The following ANLN variants were observed in gnomAD, a reference collection of about 807,000 sequenced individuals.
ANLN encodes the protein anillin.
Under a neutral mutation model 135.1 loss-of-function variants are expected in ANLN, and 59 were observed. The ratio of observed to expected loss-of-function variants is 0.44; its 90% CI spans 0.35 to 0.54. The LOEUF is 0.54. ANLN is among the 20% of genes least tolerant of loss of function. ANLN has a pLI of 0.00. For synonymous variants in ANLN, 406 were observed against 456.4 expected, an observed-to-expected ratio of 0.89 and a Z score of 1.41; for missense variants, 1,182 against 1,340.0, an observed-to-expected ratio of 0.88 and a Z score of 1.84.
chr7:36,392,010 A>T (rs953692380), intron 1 of ANLN, among the ~76,000 whole-genome samples: 6 of 151,902 alleles, frequency 3.9e-5, no homozygotes, highest in African/African-American at 1.5e-4. Flanking sequence ...CTCACTACTC[A>T]TAACGTCAAG....
intron 9 of ANLN, 87 bp downstream of exon 9, chr7:36,417,277 T>C: frequency 1.4e-6 from 1 of 728,424 alleles, no homozygotes; most frequent in Non-Finnish European, 2.2e-6. Flanking sequence ...AAATTGAGAG[T>C]ATCTCTGCTT....
chr7:36,405,318 T>C (rs539732973), intron 3 of ANLN, among the ~76,000 whole-genome samples: 2 of 152,350 alleles, frequency 1.3e-5, no homozygotes, highest in East Asian at 3.9e-4. Context: ...GATGCATTTC[T>C]CAGAATGTAT....
chr7:36,423,536 A>G (rs1036101132), intron 14 of ANLN, among the ~76,000 whole-genome samples: 4 of 152,144 alleles, frequency 2.6e-5, no homozygotes, highest in Non-Finnish European at 5.9e-5. Context: ...ATTAAGGGTC[A>G]CTAGGTAAAA....
chr7:36,389,872 C>G lies in ANLN; in HGVS notation c.-155C>G. 3 of 1,373,156 alleles carry G rather than the reference C, an allele frequency of 2.2e-6. No individual in the cohort carries two copies. Among genetic ancestry groups the G allele is most frequent in the East Asian group, 2.4e-5 (1 of 42,442 alleles). 85.1% of individuals were successfully genotyped at this position (1,373,156 alleles called of 1,614,324 possible). On this transcript the variant is annotated 5_prime_UTR_variant, in exon 1 of 24. Coordinates refer to ENST00000265748, the MANE Select transcript of ANLN (RefSeq NM_018685.5). ...ACGGCTGCAGAGGCCGAGTCCGTCACTGGAAGCCGAGAGGAGAGGACAGCT... is the reference window on the plus strand; with the variant it reads ...ACGGCTGCAGAGGCCGAGTCCGTCAGTGGAAGCCGAGAGGAGAGGACAGCT...
intron 3 of ANLN, among the ~76,000 whole-genome samples, chr7:36,404,951 A>C (rs757518993): frequency 1.3e-5 from 2 of 152,212 alleles, no homozygotes; most frequent in Non-Finnish European, 2.9e-5. Flanking sequence ...TTTTCCATGT[A>C]ATATTTTTAG....
intron 20 of ANLN, 31 bp downstream of exon 20, chr7:36,427,059 GTT>G: frequency 3.8e-6 from 5 of 1,329,128 alleles, no homozygotes; most frequent in South Asian, 1.4e-5. Context: ...AGGGTGTGGT[GTT>G]TTTTTTTTAA....
chr7:36,446,080 A>G (rs189739811), intron 22 of ANLN, among the ~76,000 whole-genome samples: 1 of 152,234 alleles, frequency 6.6e-6, no homozygotes, highest in Admixed American at 6.5e-5. Flanking sequence ...CATTGCAATT[A>G]TATTTCCCTA....
chr7:36,422,989 A>G (rs1248332071), intron 14 of ANLN, among the ~76,000 whole-genome samples, 180 bp downstream of exon 14: 1 of 152,052 alleles, frequency 6.6e-6, no homozygotes, highest in Non-Finnish European at 1.5e-5. Context: ...AGGGATACCA[A>G]TCTACACAAT....
At position 36,417,144 on chromosome 7, in the gene ANLN, C is replaced by T; in HGVS notation, c.1587C>T (p.Asp529=). 2 of 1,608,824 alleles carry T rather than the reference C, an allele frequency of 1.2e-6. No homozygotes were observed. Among genetic ancestry groups the T allele is most frequent in the Non-Finnish European group, 1.7e-6 (2 of 1,178,142 alleles). The change falls in exon 9 of 24, where the codon GAC becomes GAT. Residue 529 remains aspartate (D), a synonymous_variant. Coordinates refer to ENST00000265748, the MANE Select transcript of ANLN (RefSeq NM_018685.5). ...PLKITLFLEE[D]KSLKVTSDPK... is the part of the protein sequence containing the mutation. ...AAATAACATTGTTTTTAGAAGAGGACAAATCCTTAAAAGTAACATCAGACC... is the reference window on the plus strand; with the variant it reads ...AAATAACATTGTTTTTAGAAGAGGATAAATCCTTAAAAGTAACATCAGACC...
intron 11 of ANLN, 135 bp downstream of exon 11, chr7:36,420,449 C>T: frequency 3.8e-6 from 5 of 1,305,548 alleles, no homozygotes; most frequent in Non-Finnish European, 5.3e-6. Context: ...TTGTTAGCCT[C>T]TCTTTCACCA....
chr7:36,441,420 A>C (rs983925490), intron 21 of ANLN, among the ~76,000 whole-genome samples: 10 of 152,108 alleles, frequency 6.6e-5, no homozygotes, highest in Non-Finnish European at 1.5e-4. Context: ...AATTGCCTCT[A>C]CCCCCTATAA....
rs754172975 is a variant in ANLN at position 36,452,506 on chromosome 7, A to G, written c.3281A>G (p.Glu1094Gly). The change falls in exon 24 of 24, where the codon GAG becomes GGG. Residue 1094 changes from glutamate (E) to glycine (G), a missense_variant. Physicochemically the swap from Glu to Gly is moderately conservative, Grantham distance 98. This residue lies in a region of ANLN where 78 missense variants were observed against 72.7 expected (regional missense o/e 1.07). Coordinates refer to ENST00000265748, the MANE Select transcript of ANLN (RefSeq NM_018685.5). ...KNWLSADTKEERDLWMQKLNQ... is the reference protein window; with the variant it reads ...KNWLSADTKEGRDLWMQKLNQ... Reference sequence around the variant, plus strand: ...TGGCTGTCTGCAGATACTAAAGAAGAGCGGGATCTCTGGATGCAAAAACTC... The same window carrying G: ...TGGCTGTCTGCAGATACTAAAGAAGGGCGGGATCTCTGGATGCAAAAACTC... 2 of 1,614,040 alleles carry G rather than the reference A, an allele frequency of 1.2e-6. No individual in the cohort carries two copies. The highest frequency in any genetic ancestry group is 1.7e-5 in the Admixed American group (1 of 60,022).
rs766435665 is a variant in ANLN at position 36,415,834 on chromosome 7, A to T, written c.1472A>T (p.Lys491Met). 4.4e-6 allele frequency: 7 copies of T among 1,609,126 alleles called. No individual in the cohort carries two copies. The highest frequency in any genetic ancestry group is 1.3e-5 in the African/African-American group (1 of 74,612). Residue 491 changes from lysine to methionine, a missense_variant, in exon 8 of 24, where the codon AAG becomes ATG. Transcript: ENST00000265748. Reference protein sequence around the residue: ...SKTQSLPVTEKVTENQIPAKN... With the variant: ...SKTQSLPVTEMVTENQIPAKN... ...ACTCAGTCACTTCCAGTAACAGAAA[A>T]GGTGACCGAAAACCAGATACCAGCC...
intron 13 of ANLN, 64 bp from the exon 14 acceptor site, chr7:36,422,569 G>A: frequency 1.4e-6 from 2 of 1,423,358 alleles, no homozygotes; most frequent in Non-Finnish European, 1.9e-6. Flanking sequence ...ACACTTTTTT[G>A]AATTTGCTCT....
intron 23 of ANLN, among the ~76,000 whole-genome samples, chr7:36,450,334 G>T (rs755371261): frequency 6.6e-6 from 1 of 152,162 alleles, no homozygotes; most frequent in African/African-American, 2.4e-5. Flanking sequence ...AGATACGAAG[G>T]CTTATTGCTA....
intron 7 of ANLN, among the ~76,000 whole-genome samples, chr7:36,411,477 C>T (rs780182745): frequency 4.6e-5 from 7 of 152,140 alleles, no homozygotes; most frequent in East Asian, 3.8e-4. Context: ...TAAAATATTT[C>T]GAGAGTCTAC....
At chr7:36,421,304 G>A (rs1432121348) in intron 12 of ANLN, among the ~76,000 whole-genome samples, 2 of 151,884 alleles carry the variant, frequency 1.3e-5, no homozygotes, top group African/African-American at 4.8e-5. Context: ...TTGAACTCAG[G>A]TGACCCACCC....
At chr7:36,425,763 T>C (rs766743509) in intron 18 of ANLN, 23 bp downstream of exon 18, 1 of 1,604,732 alleles carries the variant, frequency 6.2e-7, no homozygotes, top group Non-Finnish European at 8.5e-7. Context: ...TTTGAGAAAT[T>C]GAGCTTCCTT....
intron 9 of ANLN, among the ~76,000 whole-genome samples, chr7:36,417,741 G>A (rs1431871028): frequency 2.2e-5 from 3 of 138,708 alleles, no homozygotes; most frequent in Non-Finnish European, 4.6e-5. Flanking sequence ...GCAGTGGCAC[G>A]ATCTTGGCTC....
Sources: gnomAD v4.1 joint callset for allele counts (sites outside exome capture counted in the v4.1 genomes callset) on GRCh38, gnomAD v4.1.1 for gene constraint, gnomAD v4.1.1 regional missense constraint, MANE v1.5 for transcripts, NCBI Gene and HGNC (gene_info 2026-07-23, HGNC 2026-07-21) for gene names.